CWF19L1: variants seen among roughly 807,000 people sequenced by gnomAD.
The protein encoded by CWF19L1 is CWF19-like protein 1.
In CWF19L1, 60 loss-of-function variants were observed where a neutral mutation model predicts 69.7. The observed-to-expected ratio is 0.86, with a 90% CI of 0.70 to 1.07. CWF19L1 has a LOEUF of 1.07. Among genes scored for constraint, CWF19L1 ranks in the 50% least tolerant of loss-of-function variants. The pLI, the probability that CWF19L1 is intolerant of heterozygous loss-of-function variation, is 0.00. For missense variants in CWF19L1, 591 were observed against 638.9 expected (o/e 0.92, Z 0.81); for synonymous variants, 209 against 222.2 (o/e 0.94, Z 0.53).
chr10:100,248,967 G>A, intron 7 of CWF19L1: 1 of 709,556 alleles, frequency 1.4e-6, no homozygotes. Flanking sequence ...GCCTGATAGA[G>A]CTGCGCAAGC....
In CWF19L1 at chr10:100,250,378, T is replaced by C. The variant is rs370138255; in HGVS notation, c.624-46A>G. The C allele has an allele frequency of 2.4e-4, 296 of 1,217,234 alleles. 2 individuals carry two copies. Among genetic ancestry groups the C allele is most frequent in the Admixed American group, 5.1e-5 (3 of 59,220 alleles). 75.4% of individuals were successfully genotyped at this position (1,217,234 alleles called of 1,614,324 possible). A position where few individuals can be genotyped will look rare whatever the true frequency, so the allele number is the denominator to read the frequency against. ...AAAAAATTGCAAACAATTTTACTTTTGATTTGCAATGACAAAATATGTGGA... is the reference window on the plus strand; with the variant it reads ...AAAAAATTGCAAACAATTTTACTTTCGATTTGCAATGACAAAATATGTGGA... On this transcript the variant is annotated intron_variant, in intron 6 of 13. Coordinates refer to ENST00000354105, the MANE Select transcript of CWF19L1 (RefSeq NM_018294.6).
At chr10:100,259,365 G>T (rs1306053225) in intron 4 of CWF19L1, among the ~76,000 whole-genome samples, 2 of 152,056 alleles carry the variant, frequency 1.3e-5, no homozygotes, top group Non-Finnish European at 2.9e-5. Flanking sequence ...CTTTAAGCTG[G>T]AACTGAAGAG....
chr10:100,256,189 G>A (rs1847205887), intron 5 of CWF19L1, 73 bp downstream of exon 5: 1 of 1,163,670 alleles, frequency 8.6e-7, no homozygotes, highest in Non-Finnish European at 1.3e-6. Context: ...ATATAAACAG[G>A]AAAAGAAAAA....
In CWF19L1 at chr10:100,253,364, T is replaced by A. The variant is rs190818823; in HGVS notation, c.623+57A>T. 1.4e-3 allele frequency: 1,412 copies of A among 1,035,810 alleles called. 14 individuals carry two copies. The African/African-American group carries it at 0.017, about 12-fold the overall frequency. The allele number at this position is 1,035,810 out of a possible 1,614,324, so 64.2% of individuals were successfully genotyped here. ...GTTAAAAACGAACAAGAGAAGTTTATACAGAAGATCCATGGCAAATTCTTC... is the reference window on the plus strand; with the variant it reads ...GTTAAAAACGAACAAGAGAAGTTTAAACAGAAGATCCATGGCAAATTCTTC... On this transcript the variant is annotated intron_variant, in intron 6 of 13. Coordinates refer to ENST00000354105, the MANE Select transcript of CWF19L1 (RefSeq NM_018294.6).
At chr10:100,235,489 G>A (rs747431239) in intron 13 of CWF19L1, among the ~76,000 whole-genome samples, 178 bp downstream of exon 13, 46 of 152,068 alleles carry the variant, frequency 3.0e-4, no homozygotes, top group Non-Finnish European at 6.0e-4. Context: ...CTCTGTCATG[G>A]TACTCTTCAC....
chr10:100,244,773 C>G lies in CWF19L1; in HGVS notation c.965-996G>C, dbSNP rs184160304. On this transcript the variant is annotated intron_variant, in intron 9 of 13. Coordinates refer to ENST00000354105, the MANE Select transcript of CWF19L1 (RefSeq NM_018294.6). The stretch of plus-strand genomic sequence containing the variant: ...GGTTCAAGCGATTCTCATGCCTCAG[C>G]CTCCTGAGGAGCTGGGACTACAGGT... Among the ~76,000 whole-genome samples the G allele has an allele frequency of 2.8e-3, 424 of 152,186 alleles. 2 individuals carry two copies. Among genetic ancestry groups the G allele is most frequent in the African/African-American group, 9.1e-3 (379 of 41,520 alleles).
chr10:100,254,878 C>A (rs1028567124), intron 5 of CWF19L1, among the ~76,000 whole-genome samples: 1 of 152,064 alleles, frequency 6.6e-6, no homozygotes, highest in African/African-American at 2.4e-5. Context: ...TTGTATTCTA[C>A]GTAAAGAGTA....
chr10:100,264,116 C>T (rs557603171), intron 1 of CWF19L1, among the ~76,000 whole-genome samples: 1 of 152,268 alleles, frequency 6.6e-6, no homozygotes, highest in East Asian at 1.9e-4. Flanking sequence ...CAATATATTA[C>T]TCATTTGTTT....
At chr10:100,237,229 G>A (rs745930663) in intron 11 of CWF19L1, 4 of 657,880 alleles carry the variant, frequency 6.1e-6, no homozygotes, top group African/African-American at 1.8e-5. Flanking sequence ...TGCCATCTCC[G>A]ATATTATATA....
At chr10:100,260,383 C>A (rs899049333) in intron 3 of CWF19L1, 64 bp from the exon 4 acceptor site, 3 of 841,918 alleles carry the variant, frequency 3.6e-6, no homozygotes, top group Non-Finnish European at 5.9e-6. Flanking sequence ...TTAAGATATG[C>A]CTCTCTATAG....
Position 100,240,657 on chromosome 10 carries a change from T to A in CWF19L1, c.1045-2426A>T, listed in dbSNP as rs79870473. Among the ~76,000 whole-genome samples the A allele has an allele frequency of 1.4e-3, 216 of 152,284 alleles. 9 individuals are homozygous for A. The East Asian group carries it at 0.041, about 29-fold the overall frequency. ...ATGAATGGAAAAGAAAAGTCACTTCTCACTGAGGCCTAGAGCAGCACTGAG... is the reference window on the plus strand; with the variant it reads ...ATGAATGGAAAAGAAAAGTCACTTCACACTGAGGCCTAGAGCAGCACTGAG... On this transcript the variant is annotated intron_variant, in intron 10 of 13. Transcript: ENST00000354105.
At chr10:100,237,285 A>T (rs763534608) in intron 11 of CWF19L1, 19 of 552,036 alleles carry the variant, frequency 3.4e-5, no homozygotes, top group South Asian at 2.7e-4. Flanking sequence ...ATGTGCCAAA[A>T]AGAAAACCAC....
At chr10:100,237,813 A>AT (rs1238209538) in intron 11 of CWF19L1, among the ~76,000 whole-genome samples, 1 of 151,558 alleles carries the variant, frequency 6.6e-6, no homozygotes, top group Non-Finnish European at 1.5e-5. Flanking sequence ...CGCCCAGCTA[A>AT]TTTTTTTGTA....
intron 9 of CWF19L1, among the ~76,000 whole-genome samples, chr10:100,244,653 C>T (rs1180794280): frequency 1.3e-5 from 2 of 151,686 alleles, no homozygotes; most frequent in African/African-American, 2.4e-5. Flanking sequence ...CCGCGCCTGG[C>T]CCGTTATTTT....
chr10:100,233,261 T>C lies in CWF19L1; in HGVS notation c.1583A>G (p.Asp528Gly). ...EETLARRFRK[D>G]FEPYDFTLDD ...CAGAGTAAAGTCATAGGGCTCAAAG[T>C]CTTTCCGGAAGCGGCGAGCCAGGGT... The change falls in exon 14 of 14, where the codon GAC (aspartate) becomes GGC (glycine). Residue 528 changes from aspartate (D) to glycine (G), a missense_variant. By Grantham distance (94) the Asp-to-Gly change is moderately conservative (BLOSUM62 -1). This residue lies in a region of CWF19L1 where 458 missense variants were observed against 489.3 expected (regional missense o/e 0.94). Transcript: ENST00000354105. 1.2e-6 allele frequency: 2 copies of C among 1,613,716 alleles called. No homozygotes were observed. Among genetic ancestry groups the C allele is most frequent in the Non-Finnish European group, 1.7e-6 (2 of 1,179,854 alleles).
intron 7 of CWF19L1, chr10:100,248,528 C>A: frequency 1.4e-6 from 1 of 700,852 alleles, no homozygotes; most frequent in Admixed American, 2.0e-5. Flanking sequence ...AGAATGTCAA[C>A]ATCACGGTGC....
intron 12 of CWF19L1, among the ~76,000 whole-genome samples, chr10:100,236,345 G>C (rs1846435961): frequency 6.6e-6 from 1 of 152,060 alleles, no homozygotes; most frequent in African/African-American, 2.4e-5. Context: ...CTGGCTTCAA[G>C]TGCTCCTCCC....
intron 4 of CWF19L1, among the ~76,000 whole-genome samples, chr10:100,259,749 T>C (rs1564861907): frequency 6.6e-6 from 1 of 152,068 alleles, no homozygotes; most frequent in Non-Finnish European, 1.5e-5. Context: ...CAGCAGCACA[T>C]ATACAGACTC....
At chr10:100,257,062 G>T (rs1443656179) in intron 4 of CWF19L1, among the ~76,000 whole-genome samples, 2 of 152,156 alleles carry the variant, frequency 1.3e-5, no homozygotes, top group Non-Finnish European at 2.9e-5. Context: ...CTCTTCTATG[G>T]TTATTCCTGG....
Sources: gnomAD v4.1 joint callset for allele counts (sites outside exome capture counted in the v4.1 genomes callset) on GRCh38, gnomAD v4.1.1 for gene constraint, gnomAD v4.1.1 regional missense constraint, MANE v1.5 for transcripts, NCBI Gene and HGNC (gene_info 2026-07-23, HGNC 2026-07-21) for gene names.